The following CDK6 variants were observed in gnomAD, a reference collection of about 807,000 sequenced individuals.
CDK6 encodes cyclin dependent kinase 6, also known as cyclin-dependent kinase 6.
A neutral mutation model predicts 37.1 loss-of-function variants in CDK6; 6 were observed. The observed-to-expected ratio is 0.16, with a 90% CI of 0.09 to 0.32. The LOEUF (loss-of-function observed/expected upper bound fraction) is 0.32, where lower values mean the gene tolerates loss of function less well. Among genes scored for constraint, CDK6 ranks in the 10% least tolerant of loss-of-function variants. CDK6 has a pLI of 1.00. For missense variants in CDK6, 224 were observed against 418.9 expected (o/e 0.53, Z 4.06); for synonymous variants, 160 against 161.3 (o/e 0.99, Z 0.06).
chr7:92,635,024 G>A (rs1027632056), intron 5 of CDK6, among the ~76,000 whole-genome samples: 18 of 152,146 alleles, frequency 1.2e-4, no homozygotes, highest in African/African-American at 4.3e-4. Context: ...GCAACCAAAA[G>A]CACCGAGGAT....
chr7:92,725,891 G>T, intron 3 of CDK6, 98 bp from the exon 4 acceptor site: 1 of 1,072,414 alleles, frequency 9.3e-7, no homozygotes, highest in Non-Finnish European at 1.4e-6. Context: ...GTGGCTGCTT[G>T]GCATGCGGCA....
intron 4 of CDK6, among the ~76,000 whole-genome samples, chr7:92,722,047 A>T (rs1172044447): frequency 6.6e-6 from 1 of 152,198 alleles, no homozygotes; most frequent in Non-Finnish European, 1.5e-5. Context: ...TTAAAATGAA[A>T]ATAAATACTG....
In CDK6 at chr7:92,611,587, C is replaced by T. The variant is rs1795563641; in HGVS notation, c.*3553G>A. 4.4e-6 allele frequency: 1 copy of T among 228,716 alleles called. No homozygotes were observed. The highest frequency in any genetic ancestry group is 8.7e-6 in the Non-Finnish European group (1 of 115,406). 14.2% of individuals were successfully genotyped at this position (228,716 alleles called of 1,614,324 possible). On this transcript the variant is annotated 3_prime_UTR_variant, in exon 8 of 8. Transcript: ENST00000424848. ...GCACCACTTGTAAAAGAAGCAGCTA[C>T]AGTTTCTTAAACACTCACTTTAAAT...
At chr7:92,669,487 T>TTGAGA (rs1797028727) in intron 5 of CDK6, among the ~76,000 whole-genome samples, 3 of 152,232 alleles carry the variant, frequency 2.0e-5, no homozygotes, top group African/African-American at 7.2e-5. Context: ...AAGGACTCTG[T>TTGAGA]CTTTACAGTT....
intron 5 of CDK6, among the ~76,000 whole-genome samples, chr7:92,647,331 T>C (rs1796475520): frequency 6.6e-6 from 1 of 152,202 alleles, no homozygotes; most frequent in African/African-American, 2.4e-5. Context: ...TGAGAGTGAA[T>C]ACCCGAAGGT....
intron 2 of CDK6, among the ~76,000 whole-genome samples, chr7:92,825,556 A>T (rs1053761986): frequency 6.6e-6 from 1 of 152,152 alleles, no homozygotes; most frequent in Non-Finnish European, 1.5e-5. Context: ...TAAACCTACC[A>T]GTTTGTCAAG....
intron 5 of CDK6, among the ~76,000 whole-genome samples, chr7:92,661,658 T>C (rs1184775339): frequency 1.3e-5 from 2 of 152,166 alleles, no homozygotes; most frequent in East Asian, 1.9e-4. Flanking sequence ...CATCTTCACA[T>C]TGAATAGGCT....
intron 5 of CDK6, among the ~76,000 whole-genome samples, chr7:92,667,094 T>A (rs1257216383): frequency 6.6e-6 from 1 of 150,766 alleles, no homozygotes; most frequent in East Asian, 2.0e-4. Flanking sequence ...TGTTTCTTAG[T>A]TTTTAACAAA....
intron 5 of CDK6, among the ~76,000 whole-genome samples, chr7:92,658,645 A>G (rs922219069): frequency 6.6e-6 from 1 of 150,814 alleles, no homozygotes; most frequent in Non-Finnish European, 1.5e-5. Flanking sequence ...TATCGAGGGG[A>G]CTATCTTTGG....
intron 4 of CDK6, among the ~76,000 whole-genome samples, chr7:92,706,586 C>T (rs1797970080): frequency 6.6e-6 from 1 of 152,178 alleles, no homozygotes; most frequent in Non-Finnish European, 1.5e-5. Flanking sequence ...AAAAGCACAA[C>T]CATGAAGGTC....
intron 5 of CDK6, among the ~76,000 whole-genome samples, chr7:92,649,887 AG>A (rs926174110): frequency 6.6e-6 from 1 of 152,220 alleles, no homozygotes; most frequent in Admixed American, 6.5e-5. Context: ...GGTTGAGCCT[AG>A]GTAAGTAGCC....
intron 5 of CDK6, among the ~76,000 whole-genome samples, chr7:92,624,624 G>T (rs1301542697): frequency 6.6e-6 from 1 of 152,108 alleles, no homozygotes; most frequent in Non-Finnish European, 1.5e-5. Context: ...CACTAATGCA[G>T]CCAAATTCAT....
chr7:92,721,412 G>A (rs768486396), intron 4 of CDK6, among the ~76,000 whole-genome samples: 5 of 152,208 alleles, frequency 3.3e-5, no homozygotes, highest in Non-Finnish European at 1.5e-5. Context: ...CAAGGCTGGA[G>A]TAGGGCCAGT....
chr7:92,631,690 C>T (rs1175502894), intron 5 of CDK6, among the ~76,000 whole-genome samples: 1 of 152,130 alleles, frequency 6.6e-6, no homozygotes, highest in East Asian at 1.9e-4. Flanking sequence ...GCAACCACAA[C>T]TAGGGGGTCA....
chr7:92,652,840 G>A, intron 5 of CDK6, among the ~76,000 whole-genome samples: 1 of 152,194 alleles, frequency 6.6e-6, no homozygotes, highest in East Asian at 1.9e-4. Flanking sequence ...TTGATGTATG[G>A]ATTTTGATAT....
chr7:92,748,418 C>T lies in CDK6; in HGVS notation c.370-22625G>A, dbSNP rs141204758. Reference sequence around the variant, plus strand: ...TTGATATGCCAGTATTATTACTGGTCAGACCCTTGGTATAGTTCTATGATC... The same window carrying T: ...TTGATATGCCAGTATTATTACTGGTTAGACCCTTGGTATAGTTCTATGATC... On this transcript the variant is annotated intron_variant, in intron 3 of 7. Coordinates refer to ENST00000424848, the MANE Select transcript of CDK6 (RefSeq NM_001145306.2). Among the ~76,000 whole-genome samples, 202 of 152,282 alleles carry T rather than the reference C, an allele frequency of 1.3e-3. 1 individual carries two copies. The highest frequency in any genetic ancestry group is 4.2e-3 in the African/African-American group (174 of 41,558).
intron 3 of CDK6, among the ~76,000 whole-genome samples, chr7:92,742,401 C>CT (rs1015484547): frequency 6.6e-6 from 1 of 152,190 alleles, no homozygotes. Flanking sequence ...AAGCAGGCAA[C>CT]TTTTTAGCAC....
intron 5 of CDK6, among the ~76,000 whole-genome samples, chr7:92,662,942 T>C (rs1369693174): frequency 6.6e-6 from 1 of 152,164 alleles, no homozygotes; most frequent in African/African-American, 2.4e-5. Flanking sequence ...GGGTTTTAGT[T>C]ACCTTGAAGA....
In CDK6 at chr7:92,835,462, C is replaced by T. The variant is rs1215542549; in HGVS notation, c.-368+1016G>A. On this transcript the variant is annotated intron_variant, in intron 1 of 7. Coordinates refer to ENST00000424848, the MANE Select transcript of CDK6 (RefSeq NM_001145306.2). This position sits in a 1 kb window ranked among gnomAD's most constrained non-coding sequence, Gnocchi z 4.2. ...AACGGGAGCAGCAATGCCTTTTCCC[C>T]CCCTCTCCTCCACTTTTTTTTGTTG... Among the ~76,000 whole-genome samples, 1 of 152,152 alleles carries T rather than the reference C, an allele frequency of 6.6e-6. No homozygotes were observed. Among genetic ancestry groups the T allele is most frequent in the Non-Finnish European group, 1.5e-5 (1 of 68,008 alleles).
Sources: allele counts gnomAD v4.1 joint callset (sites outside exome capture counted in the v4.1 genomes callset), GRCh38; gene constraint gnomAD v4.1.1; non-coding constraint Gnocchi (gnomAD v3.1); transcripts MANE v1.5; gene names NCBI Gene and HGNC (gene_info 2026-07-23, HGNC 2026-07-21).